The following NSD2 variants were observed in gnomAD, a reference collection of about 807,000 sequenced individuals.
NSD2 encodes histone-lysine N-methyltransferase NSD2.
NSD2 carries 12 observed loss-of-function variants against 139.0 expected under a neutral mutation model. That is an observed-to-expected ratio of 0.09 (90% confidence interval 0.06 to 0.14). The LOEUF (loss-of-function observed/expected upper bound fraction) is 0.14. Among genes scored for constraint, NSD2 ranks in the 10% least tolerant of loss-of-function variants. NSD2 has a pLI of 1.00. For missense variants in NSD2, 1,155 were observed against 1,745.0 expected, an observed-to-expected ratio of 0.66 and a Z score of 6.02; for synonymous variants, 669 against 648.7, an observed-to-expected ratio of 1.03 and a Z score of -0.48.
chr4:1,954,895 T>C (rs1258615338), intron 12 of NSD2, among the ~76,000 whole-genome samples: 2 of 152,210 alleles, frequency 1.3e-5, no homozygotes, highest in Non-Finnish European at 2.9e-5. Flanking sequence ...TGCTCCACAC[T>C]GCACAATGCC....
rs191316668 is a variant in NSD2 at position 1,963,575 on chromosome 4, A to C, written c.3372+2424A>C. ...ATACTGCAGTTTGCTTTTGATTAGTAAAAAAGAAATGCCAGGTTGAGCATT... is the reference window on the plus strand; with the variant it reads ...ATACTGCAGTTTGCTTTTGATTAGTCAAAAAGAAATGCCAGGTTGAGCATT... On this transcript the variant is annotated intron_variant, in intron 18 of 21. Transcript: ENST00000508803. Among the ~76,000 whole-genome samples the C allele has an allele frequency of 1.5e-3, 226 of 152,330 alleles. 1 individual carries two copies. The highest frequency in any genetic ancestry group is 5.7e-4 in the Non-Finnish European group (39 of 68,020).
intron 2 of NSD2, 108 bp downstream of exon 2, chr4:1,901,359 A>G (rs888420542): frequency 2.0e-6 from 2 of 1,022,080 alleles, no homozygotes; most frequent in Non-Finnish European, 2.8e-6. Context: ...AGGTGAGGAC[A>G]GGCCTGGTAC....
At position 1,879,511 on chromosome 4, in the gene NSD2, G is replaced by A. The variant is rs367675547; in HGVS notation, c.-30+7969G>A. 4.6e-3 allele frequency among the ~76,000 whole-genome samples: 697 copies of A among 152,158 alleles called. 6 individuals carry two copies. The highest frequency in any genetic ancestry group is 0.016 in the African/African-American group (676 of 41,510). On this transcript the variant is annotated intron_variant, in intron 1 of 21. Coordinates refer to ENST00000508803, the MANE Select transcript of NSD2 (RefSeq NM_001042424.3). ...TGGGATTACAGGCTTGAGCCACCGC[G>A]CCTGGCCTACACACATTTTTTAAAA...
At position 1,976,796 on chromosome 4, in the gene NSD2, C is replaced by T; in HGVS notation, c.3826+117C>T. ...CATCTGGGTGCAGGCACATCAGGCGCTCATGCAGCGAAGGCCCTGATCCAG... is the reference window on the plus strand; with the variant it reads ...CATCTGGGTGCAGGCACATCAGGCGTTCATGCAGCGAAGGCCCTGATCCAG... On this transcript the variant is annotated intron_variant, in intron 21 of 21. Transcript: ENST00000508803. The surrounding 1 kb of genome is among the most constrained non-coding windows in gnomAD (Gnocchi z 5.3). 2 of 1,107,250 alleles carry T rather than the reference C, an allele frequency of 1.8e-6. No homozygotes were observed. The highest frequency in any genetic ancestry group is 2.6e-5 in the East Asian group (1 of 38,756). 68.6% of individuals were successfully genotyped at this position (1,107,250 alleles called of 1,614,324 possible).
intron 1 of NSD2, among the ~76,000 whole-genome samples, chr4:1,874,680 CCAA>C (rs1213053687): frequency 1.3e-5 from 2 of 151,886 alleles, no homozygotes; most frequent in Non-Finnish European, 2.9e-5. Flanking sequence ...GTATATAAGT[CCAA>C]CAAGTAGTAG....
At chr4:1,947,171 A>G in intron 9 of NSD2, 1 of 1,064,732 alleles carries the variant, frequency 9.4e-7, no homozygotes, top group Non-Finnish European at 1.1e-6. Context: ...GCTCCTCCCC[A>G]GCACACTCCC....
intron 9 of NSD2, chr4:1,940,618 T>C: frequency 1.9e-6 from 2 of 1,063,032 alleles, no homozygotes; most frequent in Non-Finnish European, 2.3e-6. Flanking sequence ...TTTTTCTCAT[T>C]GTAGACATGG....
intron 1 of NSD2, among the ~76,000 whole-genome samples, chr4:1,894,679 A>T (rs1483284792): frequency 6.6e-6 from 1 of 152,050 alleles, no homozygotes; most frequent in Non-Finnish European, 1.5e-5. Context: ...CTCAATAAAA[A>T]AAAAAAAAAA....
Position 1,942,596 on chromosome 4 carries a change from G to T in NSD2, c.1881+2818G>T, listed in dbSNP as rs887323806. 26 of 1,313,186 alleles carry T rather than the reference G, an allele frequency of 2.0e-5. No homozygotes were observed. The highest frequency in any genetic ancestry group is 3.7e-5 in the Admixed American group (1 of 26,996). The allele number at this position is 1,313,186 out of a possible 1,614,324, so 81.3% of individuals were successfully genotyped here. On this transcript the variant is annotated intron_variant, in intron 9 of 21. Coordinates refer to ENST00000508803, the MANE Select transcript of NSD2 (RefSeq NM_001042424.3). The surrounding 1 kb of genome is among the most constrained non-coding windows in gnomAD (Gnocchi z 4.0). Reference sequence around the variant, plus strand: ...ATAACTAATCAAGGCCATTTAATCCGTCACATTCATCTCATAATAGAAACA... The same window carrying T: ...ATAACTAATCAAGGCCATTTAATCCTTCACATTCATCTCATAATAGAAACA...
chr4:1,881,786 A>G (rs544312601), intron 1 of NSD2, among the ~76,000 whole-genome samples: 35 of 152,280 alleles, frequency 2.3e-4, no homozygotes, highest in African/African-American at 7.5e-4. Context: ...AGGTGCATAT[A>G]ATAGGGAGGT....
chr4:1,916,065 G>A (rs1719347316), intron 3 of NSD2, among the ~76,000 whole-genome samples: 1 of 152,130 alleles, frequency 6.6e-6, no homozygotes, highest in Non-Finnish European at 1.5e-5. Context: ...CTAAGAGTAA[G>A]ACTAGTGGGC....
chr4:1,891,856 C>CA (rs74332369), intron 1 of NSD2, among the ~76,000 whole-genome samples: 1,763 of 58,590 alleles, frequency 0.03, 21 homozygotes, highest in Non-Finnish European at 0.039. Flanking sequence ...GACTCCATCT[C>CA]AAAAAAAAAA....
rs1166649020 is a variant in NSD2, at chr4:1,976,671, G to A, written c.3818G>A (p.Arg1273Gln). 1.3e-6 allele frequency: 2 copies of A among 1,580,704 alleles called. No homozygotes were observed. Among genetic ancestry groups the A allele is most frequent in the East Asian group, 2.3e-5 (1 of 43,474 alleles). Reference protein sequence around the residue: ...YHLSCLGLGKRPFGKWECPWH... With the variant: ...YHLSCLGLGKQPFGKWECPWH... Reference sequence around the variant, plus strand: ...CTGTCCTGCCTGGGCCTTGGCAAGCGGCCCTTCGGTGGGTGTGCAGCCTCG... The same window carrying A: ...CTGTCCTGCCTGGGCCTTGGCAAGCAGCCCTTCGGTGGGTGTGCAGCCTCG... Residue 1273 changes from arginine to glutamine, a missense_variant, in exon 21 of 22, where the codon CGG becomes CAG. Physicochemically the swap from Arg to Gln is conservative, Grantham distance 43. Coordinates refer to ENST00000508803, the MANE Select transcript of NSD2 (RefSeq NM_001042424.3). This position sits in a 1 kb window ranked among gnomAD's most constrained non-coding sequence, Gnocchi z 5.3.
At chr4:1,977,410 G>A (rs1287200647) in intron 21 of NSD2, among the ~76,000 whole-genome samples, 1 of 152,244 alleles carries the variant, frequency 6.6e-6, no homozygotes, top group African/African-American at 2.4e-5. Flanking sequence ...CAATCTTGCA[G>A]TGTGTCGCCA....
intron 7 of NSD2, among the ~76,000 whole-genome samples, chr4:1,937,383 C>T (rs1199640717): frequency 2.6e-5 from 4 of 152,090 alleles, no homozygotes; most frequent in Admixed American, 1.3e-4. Context: ...CAGCCCTTTG[C>T]TGGCAATCAT....
At chr4:1,961,788 G>A (rs957051646) in intron 18 of NSD2, among the ~76,000 whole-genome samples, 14 of 152,354 alleles carry the variant, frequency 9.2e-5, no homozygotes, top group African/African-American at 3.4e-4. Context: ...ACAGCCCTGT[G>A]GGGGTGCGTG....
Position 1,978,736 on chromosome 4 carries a change from G to C in NSD2, c.3925G>C (p.Asp1309His), listed in dbSNP as rs755643031. ...CAATTCGTTCTGTAAGGAGCACCAG[G>C]ACGGGACAGCCTTCAGCTGCACCCC... is the stretch of plus-strand genomic sequence containing the variant. Reference protein sequence around the residue: ...CPNSFCKEHQDGTAFSCTPDG... With the variant: ...CPNSFCKEHQHGTAFSCTPDG... The change falls in exon 22 of 22, where the codon GAC becomes CAC. Residue 1309 changes from aspartate to histidine, a missense_variant. Physicochemically the swap from Asp to His is moderately conservative, Grantham distance 81 (BLOSUM62 -1). Around this residue, in one of 8 missense-constraint regions of NSD2, gnomAD observed 132 missense variants for 94.3 expected, o/e 1.40. Coordinates refer to ENST00000508803, the MANE Select transcript of NSD2 (RefSeq NM_001042424.3). 3 of 1,614,068 alleles carry C rather than the reference G, an allele frequency of 1.9e-6. No homozygotes were observed. The highest frequency in any genetic ancestry group is 2.5e-6 in the Non-Finnish European group (3 of 1,180,032).
intron 7 of NSD2, among the ~76,000 whole-genome samples, chr4:1,936,707 G>C (rs1317134761): frequency 2.0e-5 from 3 of 150,462 alleles, no homozygotes; most frequent in Admixed American, 2.0e-4. Context: ...CAGAGTAGTT[G>C]TATATTTGTG....
At chr4:1,921,159 T>C (rs753988522) in intron 5 of NSD2, among the ~76,000 whole-genome samples, 1 of 152,070 alleles carries the variant, frequency 6.6e-6, no homozygotes, top group Non-Finnish European at 1.5e-5. Context: ...CATGAAACTT[T>C]AGAAGCATTC....
Sources: gnomAD v4.1 joint callset for allele counts (sites outside exome capture counted in the v4.1 genomes callset) on GRCh38, gnomAD v4.1.1 for gene constraint, gnomAD v4.1.1 regional missense constraint, Gnocchi (gnomAD v3.1) non-coding constraint, MANE v1.5 for transcripts, NCBI Gene and HGNC (gene_info 2026-07-23, HGNC 2026-07-21) for gene names.